KDM7A: variants seen among roughly 807,000 people sequenced by gnomAD.
KDM7A encodes lysine-specific demethylase 7A.
Under a neutral mutation model 114.8 loss-of-function variants are expected in KDM7A, and 28 were observed. The ratio of observed to expected loss-of-function variants is 0.24; its 90% CI spans 0.18 to 0.33. The LOEUF (loss-of-function observed/expected upper bound fraction) is 0.33. Ranked by LOEUF, KDM7A falls within the 10% of genes least tolerant of loss-of-function variation. KDM7A has a pLI of 1.00. For missense variants in KDM7A, 942 were observed against 1,142.5 expected, an observed-to-expected ratio of 0.82 and a Z score of 2.53; for synonymous variants, 423 against 397.8, an observed-to-expected ratio of 1.06 and a Z score of -0.75.
At position 140,176,790 on chromosome 7, in the gene KDM7A, G is replaced by A. The variant is rs1462146376; in HGVS notation, c.148C>T (p.Arg50Cys). 1.4e-6 allele frequency: 2 copies of A among 1,422,208 alleles called. No individual in the cohort carries two copies. The highest frequency in any genetic ancestry group is 9.4e-7 in the Non-Finnish European group (1 of 1,066,510). The allele number at this position is 1,422,208 out of a possible 1,614,324, so 88.1% of individuals were successfully genotyped here. A position where few individuals can be genotyped will look rare whatever the true frequency, so the allele number is the denominator to read the frequency against. ...CAGATATCGCACTCGATCATGAAGCGGTTCACGTCGTACGGCTGCCGGCAC... is the reference window on the plus strand; with the variant it reads ...CAGATATCGCACTCGATCATGAAGCAGTTCACGTCGTACGGCTGCCGGCAC... ...CVCRQPYDVN[R>C]FMIECDICKD... Residue 50 changes from arginine (R) to cysteine (C), a missense_variant, in exon 1 of 20, where the codon CGC becomes TGC. Transcript: ENST00000397560. This position sits in a 1 kb window ranked among gnomAD's most constrained non-coding sequence, Gnocchi z 4.4.
chr7:140,114,785 G>A lies in KDM7A; in HGVS notation c.1247-1203C>T, dbSNP rs545852047. The stretch of plus-strand genomic sequence containing the variant: ...GGGAGCGCCTCTGCCCGGCCGCCCC[G>A]TCTGGGATGTGAGGAGCACCTCTGC... On this transcript the variant is annotated intron_variant, in intron 9 of 19. Coordinates refer to ENST00000397560, the MANE Select transcript of KDM7A (RefSeq NM_030647.2). Among the ~76,000 whole-genome samples the A allele has an allele frequency of 5.7e-4, 79 of 138,596 alleles. No individual in the cohort carries two copies. The East Asian group carries it at 7.8e-3, about 14-fold the overall frequency. 90.9% of individuals were successfully genotyped at this position (138,596 alleles called of 152,430 possible).
At chr7:140,119,438 T>C (rs766063742) in intron 8 of KDM7A, among the ~76,000 whole-genome samples, 2 of 152,236 alleles carry the variant, frequency 1.3e-5, no homozygotes, top group South Asian at 4.1e-4. Flanking sequence ...TGTATTGGAC[T>C]TCACAGAAGA....
chr7:140,106,475 T>G (rs141851690), intron 11 of KDM7A, among the ~76,000 whole-genome samples: 10,144 of 152,308 alleles, frequency 0.067, 396 homozygotes, highest in Non-Finnish European at 0.09. Context: ...CCAGAGATTC[T>G]GGTATGCTGT....
chr7:140,099,144 C>T (rs560703934), intron 13 of KDM7A, 111 bp from the exon 14 acceptor site: 2 of 854,870 alleles, frequency 2.3e-6, no homozygotes, highest in East Asian at 2.5e-5. Flanking sequence ...GACACTGTCC[C>T]CATATTTCAT....
intron 7 of KDM7A, among the ~76,000 whole-genome samples, chr7:140,123,930 CATGGT>C (rs1268462706): frequency 6.6e-6 from 1 of 151,962 alleles, no homozygotes; most frequent in Non-Finnish European, 1.5e-5. Context: ...ATTAGCCAGG[CATGGT>C]GGCGGGCGCC....
chr7:140,167,872 A>G (rs1794595689), intron 1 of KDM7A, among the ~76,000 whole-genome samples: 1 of 152,212 alleles, frequency 6.6e-6, no homozygotes, highest in Admixed American at 6.5e-5. Context: ...AACATTTACC[A>G]CAAACAGCTA....
intron 10 of KDM7A, among the ~76,000 whole-genome samples, chr7:140,112,380 C>T (rs1007891500): frequency 2.0e-4 from 31 of 152,248 alleles, no homozygotes; most frequent in African/African-American, 7.2e-4. Flanking sequence ...AAGGCCAAGA[C>T]GGGTGGATCA....
chr7:140,141,441 C>T (rs962010881), intron 1 of KDM7A, among the ~76,000 whole-genome samples: 1 of 152,014 alleles, frequency 6.6e-6, no homozygotes, highest in Admixed American at 6.6e-5. Flanking sequence ...AAACAGATGC[C>T]AGTGCCCAAA....
intron 1 of KDM7A, among the ~76,000 whole-genome samples, chr7:140,155,318 A>AT (rs1395548102): frequency 6.6e-6 from 1 of 152,238 alleles, no homozygotes; most frequent in African/African-American, 2.4e-5. Flanking sequence ...TTTCTTCTAG[A>AT]TAAGATTACC....
chr7:140,149,841 C>T (rs957740837), intron 1 of KDM7A, among the ~76,000 whole-genome samples: 1 of 152,058 alleles, frequency 6.6e-6, no homozygotes, highest in Non-Finnish European at 1.5e-5. Flanking sequence ...TAAAGGTTTG[C>T]TTGGCAATGT....
At chr7:140,131,210 T>G (rs996385154) in intron 3 of KDM7A, among the ~76,000 whole-genome samples, 1 of 152,058 alleles carries the variant, frequency 6.6e-6, no homozygotes, top group East Asian at 1.9e-4. Flanking sequence ...CCAAGAATGG[T>G]TGGATCTCCA....
At chr7:140,120,937 C>A (rs1479144146) in intron 7 of KDM7A, among the ~76,000 whole-genome samples, 1 of 152,106 alleles carries the variant, frequency 6.6e-6, no homozygotes, top group Non-Finnish European at 1.5e-5. Context: ...AAAACACAAC[C>A]CAACTTTATA....
intron 1 of KDM7A, among the ~76,000 whole-genome samples, chr7:140,148,903 A>C (rs1279183383): frequency 6.6e-6 from 1 of 152,186 alleles, no homozygotes. Context: ...TGACACATTA[A>C]AGCTGTTTAG....
At chr7:140,131,854 G>A (rs896980544) in intron 3 of KDM7A, among the ~76,000 whole-genome samples, 4 of 152,070 alleles carry the variant, frequency 2.6e-5, no homozygotes, top group Non-Finnish European at 1.5e-5. Flanking sequence ...AACATATATG[G>A]GGACGGTTAA....
At chr7:140,150,344 A>T (rs1413455417) in intron 1 of KDM7A, among the ~76,000 whole-genome samples, 4 of 152,252 alleles carry the variant, frequency 2.6e-5, no homozygotes, top group Non-Finnish European at 4.4e-5. Flanking sequence ...AGACATAAGG[A>T]ATTAACACAC....
intron 3 of KDM7A, 147 bp downstream of exon 3, chr7:140,133,392 G>A: frequency 5.6e-6 from 3 of 533,014 alleles, no homozygotes; most frequent in South Asian, 6.2e-5. Flanking sequence ...TTTCTATTTC[G>A]TTAAGGAAGA....
intron 11 of KDM7A, among the ~76,000 whole-genome samples, chr7:140,102,816 G>C (rs1193456960): frequency 2.0e-5 from 3 of 152,142 alleles, no homozygotes; most frequent in African/African-American, 7.2e-5. Context: ...AATAAATTAA[G>C]AATTACTTTT....
At chr7:140,147,639 G>A (rs766518095) in intron 1 of KDM7A, among the ~76,000 whole-genome samples, 3 of 152,126 alleles carry the variant, frequency 2.0e-5, no homozygotes, top group Non-Finnish European at 4.4e-5. Flanking sequence ...ACTAACAAAG[G>A]AGGATGGGGA....
intron 11 of KDM7A, among the ~76,000 whole-genome samples, chr7:140,106,264 G>A (rs1192607284): frequency 2.0e-5 from 3 of 151,786 alleles, no homozygotes; most frequent in Non-Finnish European, 2.9e-5. Flanking sequence ...TTTTTTGAAG[G>A]GTTTTTTGTG....
Sources: gnomAD v4.1 joint callset for allele counts (sites outside exome capture counted in the v4.1 genomes callset) on GRCh38, gnomAD v4.1.1 for gene constraint, Gnocchi (gnomAD v3.1) non-coding constraint, MANE v1.5 for transcripts, NCBI Gene and HGNC (gene_info 2026-07-23, HGNC 2026-07-21) for gene names.